The following GPC5 variants were observed in gnomAD, a reference collection of about 807,000 sequenced individuals.
The protein encoded by GPC5 is glypican-5.
A neutral mutation model predicts 53.9 loss-of-function variants in GPC5; 47 were observed. The observed-to-expected ratio is 0.87, with a 90% CI of 0.69 to 1.11. The LOEUF (loss-of-function observed/expected upper bound fraction) is 1.11. Ranked by LOEUF, GPC5 falls within the 50% of genes most tolerant of loss-of-function variation. The pLI, the probability that GPC5 is intolerant of heterozygous loss-of-function variation, is 0.00. For synonymous variants in GPC5, 286 were observed against 263.3 expected, an observed-to-expected ratio of 1.09 and a Z score of -0.84; for missense variants, 748 against 713.1, an observed-to-expected ratio of 1.05 and a Z score of -0.56.
chr13:91,825,719 T>C (rs2038566248), intron 5 of GPC5, among the ~76,000 whole-genome samples: 1 of 152,004 alleles, frequency 6.6e-6, no homozygotes. Context: ...GTGATACCAG[T>C]TGGCTGGAAC....
At chr13:92,585,605 C>A (rs1425955758) in intron 7 of GPC5, among the ~76,000 whole-genome samples, 1 of 152,020 alleles carries the variant, frequency 6.6e-6, no homozygotes, top group East Asian at 1.9e-4. Context: ...TTTCTGGGAC[C>A]GTTGGGAAGG....
intron 4 of GPC5, among the ~76,000 whole-genome samples, chr13:91,734,968 G>A (rs1041801240): frequency 1.3e-5 from 2 of 150,442 alleles, no homozygotes; most frequent in Non-Finnish European, 2.9e-5. Context: ...TTTATTGGTA[G>A]AAGTTCCTTT....
chr13:92,714,989 T>C (rs976963727), intron 7 of GPC5, among the ~76,000 whole-genome samples: 2 of 152,048 alleles, frequency 1.3e-5, no homozygotes, highest in Non-Finnish European at 2.9e-5. Flanking sequence ...TGCTTGAACC[T>C]GGGAGGCAGA....
At chr13:91,850,889 C>A (rs1396770997) in intron 5 of GPC5, among the ~76,000 whole-genome samples, 1 of 152,066 alleles carries the variant, frequency 6.6e-6, no homozygotes, top group Non-Finnish European at 1.5e-5. Flanking sequence ...TAACTGTTAA[C>A]AATTTCATGG....
chr13:92,735,915 C>T (rs977670439), intron 7 of GPC5, among the ~76,000 whole-genome samples: 4 of 152,062 alleles, frequency 2.6e-5, no homozygotes, highest in Non-Finnish European at 5.9e-5. Flanking sequence ...GAGGCCTCTT[C>T]TGTATACAGC....
chr13:92,228,689 A>G (rs1233849474), intron 7 of GPC5, among the ~76,000 whole-genome samples: 3 of 152,158 alleles, frequency 2.0e-5, no homozygotes, highest in African/African-American at 4.8e-5. Flanking sequence ...CAGAGATAAA[A>G]AGCATCACAT....
intron 6 of GPC5, among the ~76,000 whole-genome samples, chr13:92,002,238 C>T (rs1348783433): frequency 1.3e-5 from 2 of 151,978 alleles, no homozygotes; most frequent in East Asian, 3.8e-4. Context: ...TGCTTCTATA[C>T]AGGGAGAACA....
At chr13:91,553,667 C>T (rs1222511492) in intron 2 of GPC5, among the ~76,000 whole-genome samples, 3 of 151,886 alleles carry the variant, frequency 2.0e-5, no homozygotes, top group Non-Finnish European at 2.9e-5. Context: ...TTTACAAGTT[C>T]CAAAGTGAAA....
At chr13:92,763,021 T>C (rs1875250610) in intron 7 of GPC5, among the ~76,000 whole-genome samples, 1 of 152,166 alleles carries the variant, frequency 6.6e-6, no homozygotes, top group African/African-American at 2.4e-5. Flanking sequence ...TTTTCTGATA[T>C]TGTTGAATTG....
intron 1 of GPC5, among the ~76,000 whole-genome samples, chr13:91,423,472 C>T (rs1312046483): frequency 1.3e-5 from 2 of 151,920 alleles, no homozygotes; most frequent in Admixed American, 1.3e-4. Context: ...GAGATACAGA[C>T]TTTGGAAGGG....
chr13:92,193,631 A>G (rs191209347), intron 7 of GPC5, among the ~76,000 whole-genome samples: 34 of 152,364 alleles, frequency 2.2e-4, no homozygotes, highest in Non-Finnish European at 3.5e-4. Context: ...CTATCATTGT[A>G]AACAAATTAA....
At chr13:92,396,866 A>G (rs9516072) in intron 7 of GPC5, among the ~76,000 whole-genome samples, 99,867 of 152,038 alleles carry the variant, frequency 0.66, 33,584 homozygotes, top group African/African-American at 0.8. Flanking sequence ...GGTTTGAATA[A>G]TCTGATGGGA....
At chr13:92,533,683 A>G (rs1594283709) in intron 7 of GPC5, among the ~76,000 whole-genome samples, 1 of 152,274 alleles carries the variant, frequency 6.6e-6, no homozygotes, top group Non-Finnish European at 1.5e-5. Context: ...TCTCATTGGT[A>G]GGTTTTCATC....
At chr13:92,067,735 C>T (rs181012791) in intron 6 of GPC5, among the ~76,000 whole-genome samples, 3 of 152,068 alleles carry the variant, frequency 2.0e-5, no homozygotes, top group Admixed American at 6.6e-5. Context: ...ATAATCTGCC[C>T]TTCTCTCTGT....
intron 7 of GPC5, among the ~76,000 whole-genome samples, chr13:92,608,948 T>C (rs1884345476): frequency 6.6e-6 from 1 of 152,206 alleles, no homozygotes; most frequent in African/African-American, 2.4e-5. Context: ...CTCTTTGTCA[T>C]GAATATCCTT....
chr13:92,755,899 G>T (rs1874838605), intron 7 of GPC5, among the ~76,000 whole-genome samples: 1 of 147,728 alleles, frequency 6.8e-6, no homozygotes, highest in Admixed American at 6.8e-5. Flanking sequence ...TCTACCAGAG[G>T]TACAAGGAGG....
chr13:92,132,776 A>G (rs183483271), intron 6 of GPC5, among the ~76,000 whole-genome samples: 7 of 152,256 alleles, frequency 4.6e-5, no homozygotes, highest in Non-Finnish European at 8.8e-5. Context: ...ATTAGCATAT[A>G]TTTTGGGGAA....
At position 91,572,060 on chromosome 13, in the gene GPC5, TAC is replaced by T. The variant is rs1379856919; in HGVS notation, c.326-121125_326-121124del. On this transcript the variant is annotated intron_variant, in intron 2 of 7. Coordinates refer to ENST00000377067, the MANE Select transcript of GPC5 (RefSeq NM_004466.6). ...GTGTATATACACACATATGTATATATACATGTATATACACACATATGTATATG... is the reference window on the plus strand; with the variant it reads ...GTGTATATACACACATATGTATATATATGTATATACACACATATGTATATG... Among the ~76,000 whole-genome samples the T allele has an allele frequency of 7.6e-5, 11 of 144,244 alleles. 2 individuals are homozygous for T. Among genetic ancestry groups the T allele is most frequent in the African/African-American group, 2.9e-4 (11 of 38,144 alleles). 94.6% of individuals were successfully genotyped at this position (144,244 alleles called of 152,430 possible).
rs34336057 is a variant in GPC5, at chr13:92,632,463, C to CATATATATATATAT, written c.1562-233809_1562-233796dup. Among the ~76,000 whole-genome samples, 662 of 119,920 alleles carry CATATATATATATAT rather than the reference C, an allele frequency of 5.5e-3. 6 individuals carry two copies. Among genetic ancestry groups the CATATATATATATAT allele is most frequent in the East Asian group, 0.041 (157 of 3,788 alleles). The allele number at this position is 119,920 out of a possible 152,430, so 78.7% of individuals were successfully genotyped here. A position where few individuals can be genotyped will look rare whatever the true frequency, so the allele number is the denominator to read the frequency against. On this transcript the variant is annotated intron_variant, in intron 7 of 7. Transcript: ENST00000377067. ...TTCTTTTGGAGGAGAAAATATTCCACATATATATATATATATATATATACA... is the reference window on the plus strand; with the variant it reads ...TTCTTTTGGAGGAGAAAATATTCCACATATATATATATATATATATATATATATATATATATACA...
Sources: allele counts gnomAD v4.1 joint callset (sites outside exome capture counted in the v4.1 genomes callset), GRCh38; gene constraint gnomAD v4.1.1; transcripts MANE v1.5; gene names NCBI Gene and HGNC (gene_info 2026-07-23, HGNC 2026-07-21).